The following MYT1L variants were observed in gnomAD, a reference collection of about 807,000 sequenced individuals.
MYT1L encodes the protein myelin transcription factor 1-like protein.
A neutral mutation model predicts 126.7 loss-of-function variants in MYT1L; 12 were observed. The observed-to-expected ratio is 0.09, with a 90% CI of 0.06 to 0.15. MYT1L has a LOEUF of 0.15. Among genes scored for constraint, MYT1L ranks in the 10% least tolerant of loss-of-function variants. MYT1L has a pLI of 1.00. For missense variants in MYT1L, 979 were observed against 1,585.2 expected (o/e 0.62, Z 6.49); for synonymous variants, 541 against 604.2 (o/e 0.90, Z 1.53).
At chr2:1,957,893 A>G (rs1019788490) in intron 8 of MYT1L, among the ~76,000 whole-genome samples, 10 of 152,086 alleles carry the variant, frequency 6.6e-5, no homozygotes, top group African/African-American at 2.4e-4. Flanking sequence ...TGTTTTAATG[A>G]CCATATCACT....
At chr2:1,983,837 A>C (rs2149515065) in intron 5 of MYT1L, among the ~76,000 whole-genome samples, 1 of 152,302 alleles carries the variant, frequency 6.6e-6, no homozygotes, top group South Asian at 2.1e-4. Context: ...AACTGGAGAA[A>C]GTTCACCTCA....
chr2:2,187,000 C>T (rs1213781251), intron 2 of MYT1L, among the ~76,000 whole-genome samples: 4 of 152,104 alleles, frequency 2.6e-5, no homozygotes, highest in African/African-American at 9.6e-5. Context: ...GAATTTTTTT[C>T]TAAAAAAGGT....
intron 1 of MYT1L, among the ~76,000 whole-genome samples, chr2:2,291,397 C>T (rs2149462727): frequency 6.6e-6 from 1 of 152,318 alleles, no homozygotes; most frequent in African/African-American, 2.4e-5. Flanking sequence ...AGCCCCATGC[C>T]TGCCCATGAC....
At chr2:1,850,251 C>CCTT (rs1229119307) in intron 19 of MYT1L, among the ~76,000 whole-genome samples, 1 of 101,800 alleles carries the variant, frequency 9.8e-6, no homozygotes, top group African/African-American at 4.1e-5. Flanking sequence ...TTCCTTCCTT[C>CCTT]CCTGTCTTTT....
At chr2:1,930,474 C>T (rs1010109162) in intron 9 of MYT1L, among the ~76,000 whole-genome samples, 128 of 152,268 alleles carry the variant, frequency 8.4e-4, no homozygotes, top group African/African-American at 3.0e-3. Flanking sequence ...GTTTTCCTAC[C>T]ATAACGACCT....
At chr2:2,164,328 A>G (rs928181242) in intron 3 of MYT1L, among the ~76,000 whole-genome samples, 19 of 151,866 alleles carry the variant, frequency 1.3e-4, no homozygotes, top group African/African-American at 4.4e-4. Context: ...TCTTTTAAGT[A>G]TTCCCTTGGA....
At chr2:1,863,958 T>A (rs1572979794) in intron 18 of MYT1L, among the ~76,000 whole-genome samples, 1 of 152,288 alleles carries the variant, frequency 6.6e-6, no homozygotes, top group South Asian at 2.1e-4. Flanking sequence ...GAGCTCACCC[T>A]CAGGAGAGGA....
intron 5 of MYT1L, among the ~76,000 whole-genome samples, chr2:1,995,437 GA>G (rs1426590179): frequency 6.6e-6 from 1 of 151,790 alleles, no homozygotes; most frequent in East Asian, 1.9e-4. Flanking sequence ...GAGCAGGAAA[GA>G]AAAAAAGCAT....
intron 2 of MYT1L, among the ~76,000 whole-genome samples, chr2:2,205,296 A>G (rs989198388): frequency 6.6e-6 from 1 of 152,134 alleles, no homozygotes; most frequent in Middle Eastern, 3.2e-3. Context: ...ATAATATACA[A>G]AAAAAGAAAA....
intron 1 of MYT1L, among the ~76,000 whole-genome samples, chr2:2,294,335 G>A (rs1237185668): frequency 6.6e-6 from 1 of 152,212 alleles, no homozygotes; most frequent in Non-Finnish European, 1.5e-5. Flanking sequence ...AAGCCTGGCT[G>A]TCCTTGTTGC....
At chr2:2,089,666 T>C (rs573730616) in intron 3 of MYT1L, among the ~76,000 whole-genome samples, 35 of 152,304 alleles carry the variant, frequency 2.3e-4, no homozygotes, top group African/African-American at 6.3e-4. Context: ...CGGAGGTTAA[T>C]AGCACAGAGT....
At chr2:1,951,824 T>C (rs185913872) in intron 8 of MYT1L, among the ~76,000 whole-genome samples, 3 of 152,314 alleles carry the variant, frequency 2.0e-5, no homozygotes, top group Admixed American at 1.3e-4. Context: ...TTAAGAACAG[T>C]TGATATCCTT....
chr2:1,887,097 C>G lies in MYT1L; in HGVS notation c.2642+391G>C, dbSNP rs1273168822. The G allele has an allele frequency of 2.4e-6, 1 of 413,082 alleles. No individual in the cohort carries two copies. The highest frequency in any genetic ancestry group is 4.3e-6 in the Non-Finnish European group (1 of 235,234). The allele number at this position is 413,082 out of a possible 1,614,324, so 25.6% of individuals were successfully genotyped here. ...CGTAATTACCAGTCACATGACCACT[C>G]CCATCACACCCTGGAGTTGGACATC... On this transcript the variant is annotated intron_variant, in intron 17 of 24. Coordinates refer to ENST00000647738, the MANE Select transcript of MYT1L (RefSeq NM_001303052.2). The surrounding 1 kb of genome is among the most constrained non-coding windows in gnomAD (Gnocchi z 4.8).
intron 8 of MYT1L, among the ~76,000 whole-genome samples, chr2:1,976,855 G>GACAA (rs779517601): frequency 1.3e-5 from 2 of 152,258 alleles, no homozygotes; most frequent in Non-Finnish European, 2.9e-5. Flanking sequence ...CTCACACAGT[G>GACAA]ACAACATTTT....
chr2:1,934,188 A>T (rs905083602), intron 9 of MYT1L, among the ~76,000 whole-genome samples: 1 of 150,954 alleles, frequency 6.6e-6, no homozygotes, highest in Non-Finnish European at 1.5e-5. Flanking sequence ...GTTAGCCAGG[A>T]TGGTCTCGAT....
chr2:1,963,726 T>C (rs1032556846), intron 8 of MYT1L, among the ~76,000 whole-genome samples: 24 of 152,346 alleles, frequency 1.6e-4, no homozygotes, highest in Admixed American at 7.2e-4. Flanking sequence ...CCTCTGCTAG[T>C]TTTACACTTT....
intron 19 of MYT1L, among the ~76,000 whole-genome samples, chr2:1,851,019 A>G (rs1323523057): frequency 6.6e-6 from 1 of 152,178 alleles, no homozygotes; most frequent in Admixed American, 6.5e-5. Flanking sequence ...TAGTACCACA[A>G]TTTCTTTCCA....
intron 2 of MYT1L, among the ~76,000 whole-genome samples, chr2:2,247,538 A>C (rs551042737): frequency 4.5e-4 from 68 of 152,324 alleles, no homozygotes; most frequent in African/African-American, 1.6e-3. Context: ...AATGGACCTA[A>C]TAGATATTTA....
intron 5 of MYT1L, among the ~76,000 whole-genome samples, chr2:1,989,800 C>T (rs992000059): frequency 1.1e-4 from 17 of 152,084 alleles, no homozygotes; most frequent in Admixed American, 9.2e-4. Flanking sequence ...AGTTCGAGAC[C>T]AGCCTGGCTA....
Sources: gnomAD v4.1 joint callset for allele counts (sites outside exome capture counted in the v4.1 genomes callset) on GRCh38, gnomAD v4.1.1 for gene constraint, Gnocchi (gnomAD v3.1) non-coding constraint, MANE v1.5 for transcripts, NCBI Gene and HGNC (gene_info 2026-07-23, HGNC 2026-07-21) for gene names.